Variants in MROH1 observed in about 807,000 individuals in gnomAD.
The protein encoded by MROH1 is maestro heat like repeat family member 1.
In MROH1, 117 loss-of-function variants were observed where a neutral mutation model predicts 116.5. The ratio of observed to expected loss-of-function variants is 1.00; its 90% CI spans 0.86 to 1.17. The LOEUF (loss-of-function observed/expected upper bound fraction) is 1.17. Ranked by LOEUF, MROH1 falls within the 50% of genes most tolerant of loss-of-function variation. The pLI is 0.00. For synonymous variants in MROH1, 921 were observed against 583.9 expected, an observed-to-expected ratio of 1.58 and a Z score of -8.32; for missense variants, 1,873 against 1,338.5, an observed-to-expected ratio of 1.40 and a Z score of -6.23.
At chr8:144,245,880 T>G (rs956664314) in intron 29 of MROH1, among the ~76,000 whole-genome samples, 3 of 151,942 alleles carry the variant, frequency 2.0e-5, no homozygotes, top group Non-Finnish European at 4.4e-5. Context: ...AGGCTGGTCT[T>G]GAACTCTTGG....
At chr8:144,248,757 C>T (rs1037878211) in intron 31 of MROH1, 120 bp from the exon 32 acceptor site, 11 of 702,864 alleles carry the variant, frequency 1.6e-5, no homozygotes, top group South Asian at 7.6e-5. Context: ...GGCTGGGGCC[C>T]GGCTGCAAGA....
At chr8:144,166,085 G>A (rs1464502238) in intron 3 of MROH1, among the ~76,000 whole-genome samples, 1 of 151,852 alleles carries the variant, frequency 6.6e-6, no homozygotes, top group Non-Finnish European at 1.5e-5. Flanking sequence ...CACCATGTTG[G>A]CCAGACTGGT....
chr8:144,149,463 G>A (rs1215035986), intron 1 of MROH1, among the ~76,000 whole-genome samples: 11 of 152,172 alleles, frequency 7.2e-5, no homozygotes, highest in African/African-American at 2.4e-4. Flanking sequence ...GGTCAGAGGT[G>A]GAGGCTGTGG....
chr8:144,230,802 C>CTTTTTTT (rs1161687289), intron 14 of MROH1, among the ~76,000 whole-genome samples: 12 of 68,584 alleles, frequency 1.7e-4, no homozygotes, highest in East Asian at 4.6e-4. Flanking sequence ...AAAAGGTTTT[C>CTTTTTTT]TTTTTTTTTT....
chr8:144,238,919 G>A, intron 15 of MROH1, 56 bp downstream of exon 15: 2 of 768,590 alleles, frequency 2.6e-6, no homozygotes, highest in Non-Finnish European at 4.8e-6. Flanking sequence ...CAGGGCAGTG[G>A]CCCAGGGTGC....
rs925051569 is a variant in MROH1 at position 144,261,689 on chromosome 8, G to A, written c.4875G>A (p.Glu1625=). The part of the protein sequence containing the change: ...LQILLKDPAP[E]VRTRAAEALG... ...TCCTGCTGAAGGACCCGGCCCCCGA[G>A]GTGCGGACGAGGGCTGCTGAGGCCC... Residue 1625 remains glutamate, a synonymous_variant, in exon 44 of 44, where the codon GAG becomes GAA. Coordinates refer to ENST00000326134, the MANE Select transcript of MROH1 (RefSeq NM_032450.3). 2 of 728,628 alleles carry A rather than the reference G, an allele frequency of 2.7e-6. No individual in the cohort carries two copies. Among genetic ancestry groups the A allele is most frequent in the African/African-American group, 1.7e-5 (1 of 57,856 alleles). The allele number at this position is 728,628 out of a possible 1,614,324, so 45.1% of individuals were successfully genotyped here.
intron 3 of MROH1, among the ~76,000 whole-genome samples, chr8:144,165,906 GTC>G (rs1820723206): frequency 6.6e-6 from 1 of 151,446 alleles, no homozygotes; most frequent in Non-Finnish European, 1.5e-5. Context: ...TCGAGATGGA[GTC>G]TCTGTCTGTT....
Position 144,168,562 on chromosome 8 carries a change from A to G in MROH1, c.168+122A>G, listed in dbSNP as rs571399234. 4.3e-5 allele frequency: 51 copies of G among 1,176,466 alleles called. No homozygotes were observed. The South Asian group carries it at 5.8e-4, about 13-fold the overall frequency. 72.9% of individuals were successfully genotyped at this position (1,176,466 alleles called of 1,614,324 possible). A position where few individuals can be genotyped will look rare whatever the true frequency, so the allele number is the denominator to read the frequency against. The stretch of plus-strand genomic sequence containing the variant: ...TCGGGTGTTACGCAGGGGTGGCCAC[A>G]TGTCTAACCCCCTCCACACGTGCCT... On this transcript the variant is annotated intron_variant, in intron 4 of 43. Transcript: ENST00000326134.
At chr8:144,245,701 C>T (rs1813292767) in intron 29 of MROH1, among the ~76,000 whole-genome samples, 2 of 152,272 alleles carry the variant, frequency 1.3e-5, no homozygotes, top group South Asian at 4.1e-4. Context: ...ACTCTGTTGC[C>T]CAGGCTGGAG....
intron 7 of MROH1, among the ~76,000 whole-genome samples, chr8:144,181,211 C>G (rs765854104): frequency 2.9e-5 from 4 of 137,262 alleles, no homozygotes; most frequent in Non-Finnish European, 6.0e-5. Context: ...GGGGACCAGC[C>G]CTCGTAAAGA....
At chr8:144,242,866 G>A (rs1426710349) in intron 24 of MROH1, among the ~76,000 whole-genome samples, 1 of 152,150 alleles carries the variant, frequency 6.6e-6, no homozygotes, top group Non-Finnish European at 1.5e-5. Context: ...GTCGTGGGCT[G>A]TCGCCCCCCA....
At chr8:144,250,676 C>G (rs1564565329) in intron 33 of MROH1, 1 of 464,772 alleles carries the variant, frequency 2.2e-6, no homozygotes. Flanking sequence ...CTCTGTTGGC[C>G]CCAGGCTCCA....
Position 144,258,773 on chromosome 8 carries a change from G to C in MROH1, c.3792-4G>C. The C allele has an allele frequency of 2.6e-6, 2 of 766,010 alleles. No homozygotes were observed. The highest frequency in any genetic ancestry group is 4.9e-5 in the East Asian group (2 of 40,706). 47.5% of individuals were successfully genotyped at this position (766,010 alleles called of 1,614,324 possible). A position where few individuals can be genotyped will look rare whatever the true frequency, so the allele number is the denominator to read the frequency against. Reference sequence around the variant, plus strand: ...ACCAGCTGAGCACCCTGGCAATCCTGCAGCTCTGCAGTGGACACCCTGCGG... The same window carrying C: ...ACCAGCTGAGCACCCTGGCAATCCTCCAGCTCTGCAGTGGACACCCTGCGG... On this transcript the variant is annotated splice_region_variant and splice_polypyrimidine_tract_variant and intron_variant, in intron 35 of 43. Transcript: ENST00000326134.
intron 14 of MROH1, among the ~76,000 whole-genome samples, chr8:144,226,235 A>G (rs1442962994): frequency 1.3e-5 from 2 of 151,772 alleles, no homozygotes; most frequent in African/African-American, 2.4e-5. Context: ...ATTTTTGTTA[A>G]ATGTGAGGTG....
At chr8:144,157,352 G>A (rs1251177471) in intron 1 of MROH1, among the ~76,000 whole-genome samples, 1 of 152,250 alleles carries the variant, frequency 6.6e-6, no homozygotes, top group Non-Finnish European at 1.5e-5. Flanking sequence ...AAAGTGCTGG[G>A]ATTACAGGCG....
At position 144,230,521 on chromosome 8, in the gene MROH1, T is replaced by C. The variant is rs547960651; in HGVS notation, c.1338+7291T>C. Among the ~76,000 whole-genome samples, 6 of 151,804 alleles carry C rather than the reference T, an allele frequency of 4.0e-5. No homozygotes were observed. In the South Asian group the frequency reaches 1.2e-3, roughly 32 times the overall value. ...TTCTGGCTTTTTTTTTTTTTAATGA[T>C]CTTTTAATATGCTGTTGAATATGGC... On this transcript the variant is annotated intron_variant, in intron 14 of 43. Transcript: ENST00000326134.
chr8:144,184,370 G>A (rs542780863), intron 7 of MROH1, among the ~76,000 whole-genome samples: 14 of 152,230 alleles, frequency 9.2e-5, no homozygotes, highest in African/African-American at 2.6e-4. Flanking sequence ...AGCTCTCCAC[G>A]GACCCAGGAC....
At chr8:144,232,466 G>A (rs1413018738) in intron 14 of MROH1, among the ~76,000 whole-genome samples, 43 of 144,304 alleles carry the variant, frequency 3.0e-4, no homozygotes, top group African/African-American at 1.0e-3. Flanking sequence ...TGAGTGCTTT[G>A]TTTGTTTGTT....
intron 7 of MROH1, among the ~76,000 whole-genome samples, chr8:144,185,526 G>A (rs1047267893): frequency 6.8e-6 from 1 of 146,162 alleles, no homozygotes; most frequent in African/African-American, 2.6e-5. Context: ...GGGACCGCGG[G>A]GAGATGTGAG....
Sources: allele counts gnomAD v4.1 joint callset (sites outside exome capture counted in the v4.1 genomes callset), GRCh38; gene constraint gnomAD v4.1.1; transcripts MANE v1.5; gene names NCBI Gene and HGNC (gene_info 2026-07-23, HGNC 2026-07-21).